CNTNAP2: variants seen among roughly 807,000 people sequenced by gnomAD.
CNTNAP2 encodes contactin associated protein 2.
In CNTNAP2, 98 loss-of-function variants were observed where a neutral mutation model predicts 155.2. The observed-to-expected ratio is 0.63, with a 90% CI of 0.54 to 0.75. The LOEUF is 0.75. CNTNAP2 is among the 30% of genes least tolerant of loss of function. CNTNAP2 has a pLI of 0.00. For missense variants in CNTNAP2, 1,727 were observed against 1,688.1 expected, an observed-to-expected ratio of 1.02 and a Z score of -0.40; for synonymous variants, 651 against 631.2, an observed-to-expected ratio of 1.03 and a Z score of -0.47.
intron 13 of CNTNAP2, among the ~76,000 whole-genome samples, chr7:147,697,381 G>C (rs1321993932): frequency 1.3e-5 from 2 of 151,956 alleles, no homozygotes; most frequent in Non-Finnish European, 2.9e-5. Context: ...CTCTGGTTCT[G>C]ATGCTAATTC....
At chr7:147,787,711 T>C (rs998002147) in intron 13 of CNTNAP2, among the ~76,000 whole-genome samples, 19 of 152,326 alleles carry the variant, frequency 1.2e-4, no homozygotes, top group African/African-American at 4.6e-4. Context: ...AGCTAGTTAG[T>C]AACATCTCAT....
rs1800487217 is a variant in CNTNAP2 at position 146,294,865 on chromosome 7, A to G, written c.97+177892A>G. Among the ~76,000 whole-genome samples the G allele has an allele frequency of 3.3e-5, 5 of 152,314 alleles. No homozygotes were observed. In the South Asian group the frequency reaches 1.0e-3, roughly 32 times the overall value. ...AAGTATGATTTTGGAACTCTAAGTTACTAAAATAGTAGCTTAATTTTTGTT... is the reference window on the plus strand; with the variant it reads ...AAGTATGATTTTGGAACTCTAAGTTGCTAAAATAGTAGCTTAATTTTTGTT... On this transcript the variant is annotated intron_variant, in intron 1 of 23. Transcript: ENST00000361727.
chr7:148,330,800 T>TGGAC (rs1241188831), intron 21 of CNTNAP2, among the ~76,000 whole-genome samples: 1 of 137,086 alleles, frequency 7.3e-6, no homozygotes, highest in African/African-American at 2.8e-5. Context: ...AATGGATGGA[T>TGGAC]GGATGGATGG....
At chr7:146,822,325 G>C (rs932801625) in intron 2 of CNTNAP2, among the ~76,000 whole-genome samples, 1 of 151,994 alleles carries the variant, frequency 6.6e-6, no homozygotes, top group African/African-American at 2.4e-5. Flanking sequence ...CTGTTGTGGC[G>C]TGGGGGCAGG....
rs116798156 is a variant in CNTNAP2 at position 148,186,649 on chromosome 7, G to A, written c.3010+14171G>A. Among the ~76,000 whole-genome samples, 269 of 152,270 alleles carry A rather than the reference G, an allele frequency of 1.8e-3. 1 individual carries two copies. Among genetic ancestry groups the A allele is most frequent in the African/African-American group, 6.0e-3 (249 of 41,554 alleles). On this transcript the variant is annotated intron_variant, in intron 18 of 23. Coordinates refer to ENST00000361727, the MANE Select transcript of CNTNAP2 (RefSeq NM_014141.6). ...GAAGAAACAGTGGGTGTCTGGCTCT[G>A]GGTTCAAATTCCTGTGCCTGTAAGA...
At chr7:146,483,746 T>A (rs1478818170) in intron 1 of CNTNAP2, among the ~76,000 whole-genome samples, 1 of 152,108 alleles carries the variant, frequency 6.6e-6, no homozygotes, top group Non-Finnish European at 1.5e-5. Context: ...AAAATATTTT[T>A]GTACAGCTGT....
chr7:148,248,833 G>A (rs1246175695), intron 20 of CNTNAP2, among the ~76,000 whole-genome samples: 1 of 152,106 alleles, frequency 6.6e-6, no homozygotes, highest in Non-Finnish European at 1.5e-5. Context: ...TTCCCTCTAG[G>A]AAGACAGCAG....
chr7:148,011,191 C>T (rs1373247930), intron 15 of CNTNAP2, among the ~76,000 whole-genome samples: 1 of 151,864 alleles, frequency 6.6e-6, no homozygotes, highest in Non-Finnish European at 1.5e-5. Flanking sequence ...TGTGTCTGAC[C>T]TCTTTCAGTC....
intron 1 of CNTNAP2, among the ~76,000 whole-genome samples, chr7:146,475,009 G>T (rs1425802792): frequency 7.7e-6 from 1 of 129,502 alleles, no homozygotes; most frequent in Non-Finnish European, 1.6e-5. Context: ...ACGCGCGCGC[G>T]CGCGCACACA....
intron 9 of CNTNAP2, among the ~76,000 whole-genome samples, chr7:147,381,818 C>T (rs1796542133): frequency 6.6e-6 from 1 of 151,856 alleles, no homozygotes; most frequent in African/African-American, 2.4e-5. Context: ...TTAGTATAAA[C>T]ATATTTTATA....
chr7:147,353,109 A>T (rs1158858654), intron 9 of CNTNAP2, among the ~76,000 whole-genome samples: 1 of 147,990 alleles, frequency 6.8e-6, no homozygotes, highest in East Asian at 1.9e-4. Flanking sequence ...ACACACACAC[A>T]TGTATATGTA....
intron 4 of CNTNAP2, among the ~76,000 whole-genome samples, chr7:147,084,477 C>A (rs569666926): frequency 7.1e-6 from 1 of 140,824 alleles, no homozygotes; most frequent in Non-Finnish European, 1.5e-5. Context: ...TGTATATACA[C>A]ATATATGCAC....
chr7:147,715,147 A>G (rs994583665), intron 13 of CNTNAP2, among the ~76,000 whole-genome samples: 11 of 152,114 alleles, frequency 7.2e-5, no homozygotes, highest in African/African-American at 2.7e-4. Context: ...TTGGTTTATC[A>G]ATTTCTGCAT....
In CNTNAP2 at chr7:147,132,424, T is replaced by C. The variant is rs369718091; in HGVS notation, c.1263T>C (p.Asn421=). Reference sequence around the variant, plus strand: ...GTCACTTTGCGGATAATTTGGGCAATGTGGAGATTGACCTCACTGAAAGCA... The same window carrying C: ...GTCACTTTGCGGATAATTTGGGCAACGTGGAGATTGACCTCACTGAAAGCA... The part of the protein sequence containing the change: ...VFSHFADNLG[N]VEIDLTESKV... Residue 421 remains asparagine, a synonymous_variant, in exon 8 of 24, where the codon AAT becomes AAC. Coordinates refer to ENST00000361727, the MANE Select transcript of CNTNAP2 (RefSeq NM_014141.6). The C allele has an allele frequency of 1.1e-5, 18 of 1,613,568 alleles. No individual in the cohort carries two copies. The highest frequency in any genetic ancestry group is 5.5e-5 in the South Asian group (5 of 91,086).
Position 146,290,659 on chromosome 7 carries a change from T to A in CNTNAP2, c.97+173686T>A, listed in dbSNP as rs191750232. Among the ~76,000 whole-genome samples, 378 of 152,320 alleles carry A rather than the reference T, an allele frequency of 2.5e-3. 2 individuals carry two copies. Among genetic ancestry groups the A allele is most frequent in the African/African-American group, 8.5e-3 (353 of 41,568 alleles). On this transcript the variant is annotated intron_variant, in intron 1 of 23. Coordinates refer to ENST00000361727, the MANE Select transcript of CNTNAP2 (RefSeq NM_014141.6). ...GAAGTCAGTTCTACTGTAAAGAGCG[T>A]GTATTTGGGAATCAGAAAAAACTAG...
rs1009241006 is a variant in CNTNAP2 at position 147,852,217 on chromosome 7, G to C, written c.2099-51348G>C. On this transcript the variant is annotated intron_variant, in intron 13 of 23. Coordinates refer to ENST00000361727, the MANE Select transcript of CNTNAP2 (RefSeq NM_014141.6). ...TTATTACATCAAAGAAGATCTCGCC[G>C]CACTTATCACAAACACTCTTAGTTA... Among the ~76,000 whole-genome samples, 3 of 152,090 alleles carry C rather than the reference G, an allele frequency of 2.0e-5. No homozygotes were observed. The East Asian group carries it at 5.8e-4, about 29-fold the overall frequency.
chr7:147,448,213 C>A (rs1412407510), intron 10 of CNTNAP2, among the ~76,000 whole-genome samples: 4 of 150,926 alleles, frequency 2.7e-5, no homozygotes, highest in Non-Finnish European at 5.9e-5. Context: ...TAAAAATATT[C>A]TTTTAATGTT....
chr7:146,140,759 T>A (rs1376524485), intron 1 of CNTNAP2, among the ~76,000 whole-genome samples: 2 of 152,042 alleles, frequency 1.3e-5, no homozygotes, highest in Non-Finnish European at 1.5e-5. Context: ...AGAAAAAGAA[T>A]CAGTGATTTT....
At chr7:147,507,616 A>T (rs2116682072) in intron 11 of CNTNAP2, among the ~76,000 whole-genome samples, 1 of 133,098 alleles carries the variant, frequency 7.5e-6, no homozygotes, top group Admixed American at 8.8e-5. Context: ...GCAGTAGGGC[A>T]ATCTCGGCTC....
Sources: gnomAD v4.1 joint callset for allele counts (sites outside exome capture counted in the v4.1 genomes callset) on GRCh38, gnomAD v4.1.1 for gene constraint, MANE v1.5 for transcripts, NCBI Gene and HGNC (gene_info 2026-07-23, HGNC 2026-07-21) for gene names.